Variants in KSR1 observed in about 807,000 individuals in gnomAD.
KSR1 encodes kinase suppressor of ras 1, also known as kinase suppressor of ras.
In KSR1, 35 loss-of-function variants were observed where a neutral mutation model predicts 92.9. The ratio of observed to expected loss-of-function variants is 0.38; its 90% CI spans 0.29 to 0.50. The LOEUF (loss-of-function observed/expected upper bound fraction) is 0.50, where lower values mean the gene tolerates loss of function less well. Ranked by LOEUF, KSR1 falls within the 20% of genes least tolerant of loss-of-function variation. The pLI, the probability that KSR1 is intolerant of heterozygous loss-of-function variation, is 0.94. For missense variants in KSR1, 972 were observed against 1,158.5 expected, an observed-to-expected ratio of 0.84 and a Z score of 2.34; for synonymous variants, 467 against 472.6, an observed-to-expected ratio of 0.99 and a Z score of 0.15.
chr17:27,522,426 A>T (rs1447043290), intron 1 of KSR1, among the ~76,000 whole-genome samples: 1 of 152,210 alleles, frequency 6.6e-6, no homozygotes, highest in Non-Finnish European at 1.5e-5. Flanking sequence ...CACAGCTGGA[A>T]TCTGGCTTGT....
intron 2 of KSR1, among the ~76,000 whole-genome samples, chr17:27,576,923 C>A (rs2072527897): frequency 6.6e-6 from 1 of 152,182 alleles, no homozygotes; most frequent in African/African-American, 2.4e-5. Context: ...GGCCTAGTGA[C>A]CTCGTGCAGG....
intron 1 of KSR1, chr17:27,465,194 A>G (rs1156566252): frequency 3.3e-5 from 5 of 152,150 alleles, no homozygotes; most frequent in African/African-American, 1.2e-4. Context: ...TCTCCATTCA[A>G]ACTGCTGTCA....
intron 1 of KSR1, among the ~76,000 whole-genome samples, chr17:27,515,155 A>C (rs572363970): frequency 6.6e-6 from 1 of 152,220 alleles, no homozygotes; most frequent in Admixed American, 6.5e-5. Context: ...ATAGAAAGCG[A>C]ATTTATATTC....
intron 2 of KSR1, among the ~76,000 whole-genome samples, chr17:27,555,006 A>G (rs1480220398): frequency 1.3e-5 from 2 of 152,220 alleles, no homozygotes; most frequent in African/African-American, 2.4e-5. Flanking sequence ...GTATATTACA[A>G]TGAACGCAAC....
chr17:27,520,798 G>A (rs950250765), intron 1 of KSR1, among the ~76,000 whole-genome samples: 7 of 152,236 alleles, frequency 4.6e-5, no homozygotes, highest in Non-Finnish European at 1.0e-4. Flanking sequence ...GGATTGGAGG[G>A]GTGCTGCCTT....
chr17:27,571,941 C>T (rs1219973227), intron 2 of KSR1, among the ~76,000 whole-genome samples: 1 of 152,182 alleles, frequency 6.6e-6, no homozygotes, highest in African/African-American at 2.4e-5. Context: ...CTAGTAAATC[C>T]CTGGATACCA....
chr17:27,598,877 G>A lies in KSR1; in HGVS notation c.1468+1441G>A, dbSNP rs73983663. Among the ~76,000 whole-genome samples the A allele has an allele frequency of 3.2e-3, 491 of 151,696 alleles. 7 individuals carry two copies. Among genetic ancestry groups the A allele is most frequent in the African/African-American group, 0.011 (462 of 41,468 alleles). The stretch of plus-strand genomic sequence containing the variant: ...ACCCTCCCCCCAACCCCCACTGCCC[G>A]CCCGGCTGGCCCGGTGGTTCAGCTG... On this transcript the variant is annotated intron_variant, in intron 10 of 20. Transcript: ENST00000644974.
intron 2 of KSR1, among the ~76,000 whole-genome samples, chr17:27,563,990 T>TTTTTTTTTC: frequency 7.4e-6 from 1 of 134,356 alleles, no homozygotes; most frequent in African/African-American, 2.8e-5. Flanking sequence ...GCTTTTTTTT[T>TTTTTTTTTC]TTTTTTTTTT....
intron 1 of KSR1, among the ~76,000 whole-genome samples, chr17:27,466,989 C>T (rs891477033): frequency 2.0e-5 from 3 of 152,214 alleles, no homozygotes; most frequent in Non-Finnish European, 4.4e-5. Context: ...TTTACTTTTA[C>T]GGCAAGCTTG....
intron 6 of KSR1, among the ~76,000 whole-genome samples, chr17:27,590,444 T>C (rs2073125397): frequency 6.6e-6 from 1 of 152,234 alleles, no homozygotes; most frequent in African/African-American, 2.4e-5. Context: ...GCTGCAGGCA[T>C]ACCTTGTCCA....
At chr17:27,576,149 G>A (rs1380499679) in intron 2 of KSR1, among the ~76,000 whole-genome samples, 1 of 152,082 alleles carries the variant, frequency 6.6e-6, no homozygotes, top group Non-Finnish European at 1.5e-5. Context: ...TGACTTCTCT[G>A]TTACCAGCTC....
At chr17:27,526,657 T>G in intron 1 of KSR1, 1 of 1,559,282 alleles carries the variant, frequency 6.4e-7, no homozygotes, top group Non-Finnish European at 8.8e-7. Flanking sequence ...CCTGAGAGAT[T>G]TTGCTCATGT....
intron 1 of KSR1, among the ~76,000 whole-genome samples, chr17:27,488,475 G>T (rs9905630): frequency 5.3e-5 from 8 of 151,562 alleles, no homozygotes; most frequent in African/African-American, 1.9e-4. Flanking sequence ...CCAATCTTTT[G>T]CTGTTACCAA....
intron 9 of KSR1, among the ~76,000 whole-genome samples, chr17:27,595,440 T>C (rs552937916): frequency 6.6e-6 from 1 of 152,320 alleles, no homozygotes. Flanking sequence ...GACATAGGTG[T>C]TGATGTTTTA....
At chr17:27,573,189 T>C (rs1026715663) in intron 2 of KSR1, among the ~76,000 whole-genome samples, 13 of 152,398 alleles carry the variant, frequency 8.5e-5, no homozygotes, top group African/African-American at 2.6e-4. Flanking sequence ...TTGTTTTGTT[T>C]GCACAGATTT....
intron 5 of KSR1, chr17:27,585,982 C>T (rs995085831): frequency 2.6e-6 from 1 of 391,172 alleles, no homozygotes; most frequent in South Asian, 3.9e-5. Flanking sequence ...GGACTCTGGC[C>T]TGCTGGGCTG....
intron 2 of KSR1, among the ~76,000 whole-genome samples, chr17:27,561,847 T>C (rs1430361968): frequency 6.6e-6 from 1 of 152,136 alleles, no homozygotes; most frequent in East Asian, 1.9e-4. Context: ...GTTTGTTTGT[T>C]TGTCTGTTGT....
chr17:27,479,256 C>T (rs1157919244), intron 1 of KSR1, among the ~76,000 whole-genome samples: 1 of 150,720 alleles, frequency 6.6e-6, no homozygotes, highest in African/African-American at 2.4e-5. Context: ...GTGCTCCTCT[C>T]TCCCTCCATG....
intron 1 of KSR1, among the ~76,000 whole-genome samples, chr17:27,523,292 C>G (rs752722242): frequency 2.0e-5 from 3 of 151,612 alleles, no homozygotes; most frequent in Non-Finnish European, 4.4e-5. Context: ...CCAGTTCCAT[C>G]TGACTTACAT....
Sources: gnomAD v4.1 joint callset for allele counts (sites outside exome capture counted in the v4.1 genomes callset) on GRCh38, gnomAD v4.1.1 for gene constraint, MANE v1.5 for transcripts, NCBI Gene and HGNC (gene_info 2026-07-23, HGNC 2026-07-21) for gene names.